Variants in CNTN5 observed in about 807,000 individuals in gnomAD.
CNTN5 encodes contactin 5.
In CNTN5, 77 loss-of-function variants were observed where a neutral mutation model predicts 129.1. The observed-to-expected ratio is 0.60, with a 90% CI of 0.50 to 0.72. The LOEUF (loss-of-function observed/expected upper bound fraction) is 0.72, where lower values mean the gene tolerates loss of function less well. Ranked by LOEUF, CNTN5 falls within the 30% of genes least tolerant of loss-of-function variation. The pLI, the probability that CNTN5 is intolerant of heterozygous loss-of-function variation, is 0.00. For synonymous variants in CNTN5, 509 were observed against 465.6 expected (o/e 1.09, Z -1.20); for missense variants, 1,478 against 1,328.8 (o/e 1.11, Z -1.75).
intron 12 of CNTN5, among the ~76,000 whole-genome samples, chr11:100,072,989 G>GAAAAAAAAA (rs1943983679): frequency 5.6e-5 from 1 of 18,006 alleles, no homozygotes; most frequent in Non-Finnish European, 9.4e-5. Context: ...TTCCCAGGAG[G>GAAAAAAAAA]CAAAAAAAAA....
At chr11:99,812,034 G>A (rs548419556) in intron 3 of CNTN5, among the ~76,000 whole-genome samples, 2 of 152,180 alleles carry the variant, frequency 1.3e-5, no homozygotes, top group South Asian at 2.1e-4. Flanking sequence ...AATGGACCAG[G>A]AAAGTGAAGT....
intron 10 of CNTN5, among the ~76,000 whole-genome samples, chr11:100,069,235 T>C (rs1565210655): frequency 6.6e-6 from 1 of 152,116 alleles, no homozygotes; most frequent in African/African-American, 2.4e-5. Context: ...TCAGTGCAGC[T>C]TCAACCTCCC....
At chr11:99,383,038 G>A (rs1414552380) in intron 2 of CNTN5, among the ~76,000 whole-genome samples, 3 of 151,412 alleles carry the variant, frequency 2.0e-5, no homozygotes, top group African/African-American at 7.3e-5. Flanking sequence ...TGTATTTTTA[G>A]TAGAGACAGG....
At chr11:100,000,107 T>C (rs1258629600) in intron 8 of CNTN5, among the ~76,000 whole-genome samples, 1 of 151,780 alleles carries the variant, frequency 6.6e-6, no homozygotes, top group East Asian at 1.9e-4. Flanking sequence ...TGTGTACATA[T>C]GTAACTAACC....
intron 8 of CNTN5, among the ~76,000 whole-genome samples, chr11:99,996,639 C>A (rs1471612534): frequency 6.6e-6 from 1 of 152,232 alleles, no homozygotes; most frequent in South Asian, 2.1e-4. Context: ...ATGTATTAGT[C>A]TGTTTTCACA....
intron 3 of CNTN5, among the ~76,000 whole-genome samples, chr11:99,696,514 G>A (rs567255114): frequency 1.5e-3 from 231 of 152,090 alleles, no homozygotes; most frequent in Non-Finnish European, 2.3e-3. Flanking sequence ...CACTATCTGG[G>A]TGTTTGATTT....
intron 3 of CNTN5, among the ~76,000 whole-genome samples, chr11:99,709,918 T>C (rs7107112): frequency 0.04 from 6,039 of 151,976 alleles, 138 homozygotes; most frequent in Middle Eastern, 0.068. Context: ...AGTTGATTTT[T>C]ATTTGGTGTT....
chr11:99,782,198 G>T (rs1392101340), intron 3 of CNTN5, among the ~76,000 whole-genome samples: 1 of 148,046 alleles, frequency 6.8e-6, no homozygotes, highest in Non-Finnish European at 1.5e-5. Flanking sequence ...CAAACAGAGA[G>T]CCAAATCATG....
chr11:99,646,527 T>C (rs1951968343), intron 3 of CNTN5, among the ~76,000 whole-genome samples: 1 of 152,148 alleles, frequency 6.6e-6, no homozygotes, highest in Non-Finnish European at 1.5e-5. Context: ...TGTCAGAATA[T>C]ACAATCAATC....
intron 16 of CNTN5, among the ~76,000 whole-genome samples, chr11:100,244,063 C>CA (rs1193014017): frequency 7.3e-5 from 11 of 150,432 alleles, no homozygotes; most frequent in South Asian, 4.2e-4. Context: ...ACCTCCAGTT[C>CA]AAAAAAAAAT....
At chr11:99,908,196 G>T (rs545540266) in intron 6 of CNTN5, among the ~76,000 whole-genome samples, 1 of 152,104 alleles carries the variant, frequency 6.6e-6, no homozygotes, top group East Asian at 1.9e-4. Flanking sequence ...TGTGCCAGGG[G>T]AATAAAATGA....
At chr11:99,846,810 G>A (rs148501893) in intron 6 of CNTN5, among the ~76,000 whole-genome samples, 212 of 152,054 alleles carry the variant, frequency 1.4e-3, no homozygotes, top group African/African-American at 4.9e-3. Context: ...TACCGAGATA[G>A]GTCCTAGAAA....
intron 3 of CNTN5, among the ~76,000 whole-genome samples, chr11:99,664,387 T>A (rs1952708778): frequency 6.6e-6 from 1 of 152,108 alleles, no homozygotes; most frequent in Non-Finnish European, 1.5e-5. Context: ...TTGTGGTGAT[T>A]TTCTTTCCCC....
chr11:99,467,801 A>G (rs951568729), intron 2 of CNTN5, among the ~76,000 whole-genome samples: 2 of 152,024 alleles, frequency 1.3e-5, no homozygotes, highest in Non-Finnish European at 2.9e-5. Flanking sequence ...TTATCTGATT[A>G]CCTTTCTTTT....
At chr11:100,347,460 T>C (rs1952309250) in intron 23 of CNTN5, among the ~76,000 whole-genome samples, 1 of 152,134 alleles carries the variant, frequency 6.6e-6, no homozygotes, top group African/African-American at 2.4e-5. Context: ...TATAGTATCC[T>C]CTTTACATTC....
chr11:100,006,406 A>C (rs550407883), intron 9 of CNTN5, among the ~76,000 whole-genome samples: 5 of 152,206 alleles, frequency 3.3e-5, no homozygotes, highest in Middle Eastern at 3.4e-3. Flanking sequence ...ATTGGAGTCA[A>C]TCCTCTCTAA....
At chr11:99,110,103 G>A (rs541335788) in intron 1 of CNTN5, among the ~76,000 whole-genome samples, 1 of 152,224 alleles carries the variant, frequency 6.6e-6, no homozygotes, top group South Asian at 2.1e-4. Context: ...CTCGCTCGGA[G>A]TGCACAGAGC....
chr11:99,450,481 G>A (rs1205167853), intron 2 of CNTN5, among the ~76,000 whole-genome samples: 2 of 152,044 alleles, frequency 1.3e-5, no homozygotes. Context: ...ATAGTTACAT[G>A]TAAAAGATGA....
chr11:99,925,903 T>C (rs1019033233), intron 7 of CNTN5, among the ~76,000 whole-genome samples: 1 of 152,116 alleles, frequency 6.6e-6, no homozygotes, highest in Non-Finnish European at 1.5e-5. Context: ...TGCTTCTAAA[T>C]AGCTATATTG....
Sources: gnomAD v4.1 joint callset for allele counts (sites outside exome capture counted in the v4.1 genomes callset) on GRCh38, gnomAD v4.1.1 for gene constraint, MANE v1.5 for transcripts, NCBI Gene and HGNC (gene_info 2026-07-23, HGNC 2026-07-21) for gene names.